Variants in ASTN2 observed in about 807,000 individuals in gnomAD.
ASTN2 encodes the protein astrotactin 2.
In ASTN2, 54 loss-of-function variants were observed where a neutral mutation model predicts 139.8. The ratio of observed to expected loss-of-function variants is 0.39; its 90% CI spans 0.31 to 0.48. The LOEUF (loss-of-function observed/expected upper bound fraction) is 0.48, where lower values mean the gene tolerates loss of function less well. ASTN2 is among the 20% of genes least tolerant of loss of function. The pLI is 0.95. For missense variants in ASTN2, 1,565 were observed against 1,725.1 expected (o/e 0.91, Z 1.64); for synonymous variants, 756 against 719.5 (o/e 1.05, Z -0.81).
chr9:116,464,316 T>C (rs1848585823), intron 20 of ASTN2, among the ~76,000 whole-genome samples: 1 of 152,104 alleles, frequency 6.6e-6, no homozygotes, highest in Admixed American at 6.6e-5. Flanking sequence ...GTTATGCACT[T>C]GGTTTTCTAA....
intron 1 of ASTN2, among the ~76,000 whole-genome samples, chr9:117,365,273 C>A (rs1173964951): frequency 1.2e-4 from 14 of 116,990 alleles, no homozygotes; most frequent in East Asian, 9.6e-4. Flanking sequence ...GAAAAAAAGA[C>A]AGAAAGAAAG....
At chr9:117,387,936 C>T (rs1830442850) in intron 1 of ASTN2, among the ~76,000 whole-genome samples, 1 of 152,126 alleles carries the variant, frequency 6.6e-6, no homozygotes, top group Non-Finnish European at 1.5e-5. Context: ...CTGAAAGGGG[C>T]CCTGGAGATC....
At chr9:117,046,244 G>T (rs551603149) in intron 5 of ASTN2, among the ~76,000 whole-genome samples, 4 of 151,984 alleles carry the variant, frequency 2.6e-5, no homozygotes, top group Non-Finnish European at 5.9e-5. Flanking sequence ...CAGGTGATCT[G>T]CCTGCCTCAG....
At chr9:116,854,184 T>C (rs1832680264) in intron 11 of ASTN2, among the ~76,000 whole-genome samples, 1 of 152,152 alleles carries the variant, frequency 6.6e-6, no homozygotes, top group Non-Finnish European at 1.5e-5. Flanking sequence ...TCAGAAGCCT[T>C]GAATCATAGC....
At chr9:116,763,152 T>C (rs1185232965) in intron 13 of ASTN2, among the ~76,000 whole-genome samples, 2 of 152,164 alleles carry the variant, frequency 1.3e-5, no homozygotes, top group African/African-American at 2.4e-5. Context: ...GACTACAAAC[T>C]GTGTGAGGGT....
intron 1 of ASTN2, among the ~76,000 whole-genome samples, chr9:117,311,040 C>T (rs1280637508): frequency 2.0e-5 from 3 of 152,148 alleles, no homozygotes; most frequent in Admixed American, 2.0e-4. Context: ...TGTCTCTCTT[C>T]CCCTACTGGG....
In ASTN2 at chr9:117,127,210, T is replaced by C. The variant is rs1439559425; in HGVS notation, c.1168+14116A>G. On this transcript the variant is annotated intron_variant, in intron 4 of 22. Coordinates refer to ENST00000313400, the MANE Select transcript of ASTN2 (RefSeq NM_001365068.1). ...AATTCTCTAGATCTTGTGGAGTTAT[T>C]TCTATGTAGTTCTGCCTGAACGCAA... 2.0e-5 allele frequency among the ~76,000 whole-genome samples: 3 copies of C among 152,208 alleles called. No homozygotes were observed. In the East Asian group the frequency reaches 5.8e-4, roughly 29 times the overall value.
At chr9:117,292,792 C>A (rs1443751008) in intron 1 of ASTN2, among the ~76,000 whole-genome samples, 1 of 152,110 alleles carries the variant, frequency 6.6e-6, no homozygotes, top group East Asian at 1.9e-4. Context: ...TGTCCCACTG[C>A]AGCACCCATC....
intron 6 of ASTN2, among the ~76,000 whole-genome samples, chr9:117,019,438 T>G (rs1019713721): frequency 3.3e-5 from 5 of 152,080 alleles, no homozygotes; most frequent in African/African-American, 1.2e-4. Context: ...CAGGCACGGA[T>G]GAGAACAGCT....
chr9:116,903,070 C>A (rs565692982), intron 10 of ASTN2, among the ~76,000 whole-genome samples: 1 of 152,254 alleles, frequency 6.6e-6, no homozygotes, highest in South Asian at 2.1e-4. Flanking sequence ...ATTTTCCAGA[C>A]ATCCATATGC....
intron 4 of ASTN2, among the ~76,000 whole-genome samples, chr9:117,135,073 A>G (rs1015987078): frequency 2.6e-5 from 4 of 152,242 alleles, no homozygotes; most frequent in African/African-American, 7.2e-5. Flanking sequence ...TGACACAGAA[A>G]CACTGCCAAT....
intron 20 of ASTN2, among the ~76,000 whole-genome samples, chr9:116,448,748 T>C (rs1312952165): frequency 6.6e-6 from 1 of 152,186 alleles, no homozygotes; most frequent in African/African-American, 2.4e-5. Context: ...CAGAATGCAA[T>C]CTCCCTACCC....
intron 7 of ASTN2, among the ~76,000 whole-genome samples, chr9:116,998,735 G>T (rs1469957803): frequency 6.6e-6 from 1 of 152,140 alleles, no homozygotes; most frequent in Non-Finnish European, 1.5e-5. Flanking sequence ...CTGCCAGAAA[G>T]TTGGTTCTCT....
At position 116,729,146 on chromosome 9, in the gene ASTN2, A is replaced by C. The variant is rs755272261; in HGVS notation, c.2522-50T>G. 22 of 1,383,784 alleles carry C rather than the reference A, an allele frequency of 1.6e-5. No homozygotes were observed. In the South Asian group the frequency reaches 2.8e-4, roughly 17 times the overall value. The allele number at this position is 1,383,784 out of a possible 1,614,324, so 85.7% of individuals were successfully genotyped here. On this transcript the variant is annotated intron_variant, in intron 14 of 22. Transcript: ENST00000313400. ...CGTGAGCCCAGAATTAAGACGCTTC[A>C]CACCACATTGTTCACCCTGCAGCTC...
chr9:116,790,711 T>C (rs867903851), intron 13 of ASTN2, among the ~76,000 whole-genome samples: 10 of 149,762 alleles, frequency 6.7e-5, no homozygotes, highest in African/African-American at 1.7e-4. Flanking sequence ...AGTCTCACTC[T>C]GTCACCCAGG....
At chr9:116,744,079 G>T (rs1829170493) in intron 13 of ASTN2, among the ~76,000 whole-genome samples, 1 of 152,086 alleles carries the variant, frequency 6.6e-6, no homozygotes, top group Non-Finnish European at 1.5e-5. Context: ...GATTGGGAGG[G>T]GTTAACAAGG....
chr9:116,850,626 C>T (rs1308734330), intron 11 of ASTN2, among the ~76,000 whole-genome samples: 1 of 152,156 alleles, frequency 6.6e-6, no homozygotes, highest in Non-Finnish European at 1.5e-5. Context: ...TTCAGAGATC[C>T]AAAGTTACAC....
chr9:117,215,013 C>T (rs1047849160), intron 2 of ASTN2, among the ~76,000 whole-genome samples: 2 of 152,204 alleles, frequency 1.3e-5, no homozygotes, highest in Non-Finnish European at 2.9e-5. Context: ...CCTGCTCTTC[C>T]TTCTTCACAA....
At chr9:116,439,422 G>A (rs1290915607) in intron 22 of ASTN2, among the ~76,000 whole-genome samples, 2 of 139,366 alleles carry the variant, frequency 1.4e-5, no homozygotes, top group African/African-American at 3.0e-5. Context: ...GGATGGTCTC[G>A]ATCTCCTGAC....
Sources: allele counts gnomAD v4.1 joint callset (sites outside exome capture counted in the v4.1 genomes callset), GRCh38; gene constraint gnomAD v4.1.1; transcripts MANE v1.5; gene names NCBI Gene and HGNC (gene_info 2026-07-23, HGNC 2026-07-21).